SDK1: variants seen among roughly 807,000 people sequenced by gnomAD.
The protein encoded by SDK1 is protein sidekick-1.
SDK1 carries 157 observed loss-of-function variants against 245.5 expected under a neutral mutation model. The ratio of observed to expected loss-of-function variants is 0.64; its 90% CI spans 0.56 to 0.73. SDK1 has a LOEUF of 0.73. Among genes scored for constraint, SDK1 ranks in the 30% least tolerant of loss-of-function variants. The pLI is 0.00. For missense variants in SDK1, 3,583 were observed against 3,002.3 expected (o/e 1.19, Z -4.52); for synonymous variants, 1,647 against 1,278.5 (o/e 1.29, Z -6.15).
At chr7:3,735,401 T>A (rs569278286) in intron 4 of SDK1, among the ~76,000 whole-genome samples, 3 of 152,332 alleles carry the variant, frequency 2.0e-5, no homozygotes, top group African/African-American at 7.2e-5. Context: ...GTACCTCATA[T>A]AAGTGAAGGC....
intron 1 of SDK1, among the ~76,000 whole-genome samples, chr7:3,423,096 A>T (rs1428217694): frequency 6.6e-6 from 1 of 152,212 alleles, no homozygotes; most frequent in Non-Finnish European, 1.5e-5. Flanking sequence ...AATCCTAATC[A>T]AGAAGGAGTT....
intron 35 of SDK1, among the ~76,000 whole-genome samples, chr7:4,180,542 T>C (rs1330224503): frequency 1.3e-5 from 2 of 152,016 alleles, no homozygotes. Flanking sequence ...TCCAGCTCTA[T>C]GCCCAGCGCC....
At chr7:3,364,133 G>A (rs1781025017) in intron 1 of SDK1, among the ~76,000 whole-genome samples, 2 of 151,952 alleles carry the variant, frequency 1.3e-5, no homozygotes, top group Admixed American at 1.3e-4. Context: ...TTTTCTAACT[G>A]GATCGTTTTT....
In SDK1 at chr7:4,268,620, A is replaced by T. The variant is rs1788615968; in HGVS notation, c.*3236A>T. 7.3e-7 allele frequency: 1 copy of T among 1,367,270 alleles called. No individual in the cohort carries two copies. Among genetic ancestry groups the T allele is most frequent in the African/African-American group, 1.5e-5 (1 of 67,868 alleles). 84.7% of individuals were successfully genotyped at this position (1,367,270 alleles called of 1,614,324 possible). ...CTAACTGTGACTGGGCTGAAGCATG[A>T]TGTTTGCCTAATGGTTCGTAGCATG... On this transcript the variant is annotated 3_prime_UTR_variant, in exon 45 of 45. Transcript: ENST00000404826.
intron 4 of SDK1, among the ~76,000 whole-genome samples, chr7:3,763,964 C>T (rs1315452847): frequency 6.6e-6 from 1 of 152,198 alleles, no homozygotes; most frequent in African/African-American, 2.4e-5. Flanking sequence ...TGCCCCTTCC[C>T]AGTCAAACCT....
chr7:4,068,132 G>C (rs1032921490), intron 20 of SDK1, among the ~76,000 whole-genome samples, 196 bp downstream of exon 20: 14 of 152,064 alleles, frequency 9.2e-5, no homozygotes, highest in African/African-American at 3.4e-4. Context: ...CCTGGTCTGG[G>C]GCCCTTTACT....
At position 4,250,651 on chromosome 7, in the gene SDK1, T is replaced by C. The variant is rs771842969; in HGVS notation, c.6381+4846T>C. Among the ~76,000 whole-genome samples the C allele has an allele frequency of 2.0e-5, 3 of 152,276 alleles. No homozygotes were observed. In the East Asian group the frequency reaches 5.8e-4, roughly 29 times the overall value. ...TGAGCCACTGTGCCCGGCCAGGAAG[T>C]GTATTTTTCTGTGTAGGGTCTAACG... On this transcript the variant is annotated intron_variant, in intron 44 of 44. Transcript: ENST00000404826.
At chr7:3,879,500 C>T (rs911856941) in intron 5 of SDK1, among the ~76,000 whole-genome samples, 13 of 152,278 alleles carry the variant, frequency 8.5e-5, no homozygotes, top group Admixed American at 7.2e-4. Flanking sequence ...CTGGACCCCA[C>T]GCCCTTTTCA....
chr7:3,906,879 C>G (rs1382300941), intron 5 of SDK1, among the ~76,000 whole-genome samples: 3 of 152,116 alleles, frequency 2.0e-5, no homozygotes, highest in Non-Finnish European at 4.4e-5. Flanking sequence ...ATCCGCCCAC[C>G]TCGGCCTCCC....
At chr7:3,470,850 T>G (rs1781162222) in intron 1 of SDK1, among the ~76,000 whole-genome samples, 1 of 152,210 alleles carries the variant, frequency 6.6e-6, no homozygotes, top group Non-Finnish European at 1.5e-5. Context: ...AAATTTCTAC[T>G]ATTATCATTT....
chr7:4,113,549 A>C, intron 24 of SDK1, 110 bp downstream of exon 24: 1 of 1,302,936 alleles, frequency 7.7e-7, no homozygotes, highest in South Asian at 1.4e-5. Flanking sequence ...TCCTAGTCAA[A>C]ACTAATCTCA....
intron 32 of SDK1, among the ~76,000 whole-genome samples, chr7:4,163,940 C>T (rs911300212): frequency 6.6e-6 from 1 of 152,180 alleles, no homozygotes; most frequent in Non-Finnish European, 1.5e-5. Flanking sequence ...GGAGAGTAGG[C>T]GTTTAACAAG....
At chr7:3,585,630 A>G (rs915582633) in intron 1 of SDK1, among the ~76,000 whole-genome samples, 29 of 152,178 alleles carry the variant, frequency 1.9e-4, no homozygotes, top group Non-Finnish European at 3.7e-4. Flanking sequence ...GTACATGGTC[A>G]GTGGTAACAG....
intron 4 of SDK1, among the ~76,000 whole-genome samples, chr7:3,771,240 AG>A (rs1238569048): frequency 6.6e-6 from 1 of 152,016 alleles, no homozygotes; most frequent in African/African-American, 2.4e-5. Flanking sequence ...GCAGGGATCC[AG>A]GATAGTGTGG....
intron 1 of SDK1, among the ~76,000 whole-genome samples, chr7:3,382,850 T>A (rs1230998796): frequency 1.3e-5 from 2 of 152,184 alleles, no homozygotes; most frequent in Non-Finnish European, 2.9e-5. Flanking sequence ...TACCTGTGAA[T>A]TGGTTTTTAA....
At chr7:3,690,757 C>G (rs1179343928) in intron 4 of SDK1, among the ~76,000 whole-genome samples, 1 of 152,190 alleles carries the variant, frequency 6.6e-6, no homozygotes, top group South Asian at 2.1e-4. Context: ...TAACTCTCTA[C>G]TACAAGGTCA....
intron 35 of SDK1, among the ~76,000 whole-genome samples, chr7:4,183,921 G>T (rs1341553858): frequency 6.6e-6 from 1 of 152,214 alleles, no homozygotes; most frequent in Non-Finnish European, 1.5e-5. Context: ...CACATCTCCT[G>T]TGCCAGGCCT....
chr7:3,312,831 G>A (rs1426004880), intron 1 of SDK1, among the ~76,000 whole-genome samples: 1 of 152,024 alleles, frequency 6.6e-6, no homozygotes, highest in South Asian at 2.1e-4. Context: ...AAGATAGAAT[G>A]GCTGAGAAGT....
chr7:4,111,528 A>T (rs1467962983), intron 23 of SDK1, among the ~76,000 whole-genome samples: 1 of 130,288 alleles, frequency 7.7e-6, no homozygotes, highest in African/African-American at 3.9e-5. Flanking sequence ...AGTTAGAGTT[A>T]AAAAAAAAAA....
Sources: gnomAD v4.1 joint callset for allele counts (sites outside exome capture counted in the v4.1 genomes callset) on GRCh38, gnomAD v4.1.1 for gene constraint, MANE v1.5 for transcripts, NCBI Gene and HGNC (gene_info 2026-07-23, HGNC 2026-07-21) for gene names.